Variants in EXOC6B observed in about 807,000 individuals in gnomAD.
EXOC6B encodes exocyst complex component 6B.
In EXOC6B, 54 loss-of-function variants were observed where a neutral mutation model predicts 113.5. The ratio of observed to expected loss-of-function variants is 0.48; its 90% CI spans 0.38 to 0.60. The LOEUF is 0.60. Among genes scored for constraint, EXOC6B ranks in the 20% least tolerant of loss-of-function variants. EXOC6B has a pLI of 0.00. For synonymous variants in EXOC6B, 357 were observed against 339.0 expected (o/e 1.05, Z -0.58); for missense variants, 797 against 977.5 (o/e 0.82, Z 2.46).
At chr2:72,583,134 A>T (rs1184947739) in intron 6 of EXOC6B, among the ~76,000 whole-genome samples, 1 of 152,156 alleles carries the variant, frequency 6.6e-6, no homozygotes, top group East Asian at 1.9e-4. Context: ...CTTTAACCTA[A>T]CCCAGCCAGA....
intron 1 of EXOC6B, among the ~76,000 whole-genome samples, chr2:72,773,572 T>C (rs1002103238): frequency 2.0e-5 from 3 of 152,080 alleles, no homozygotes; most frequent in African/African-American, 7.2e-5. Context: ...TATATACTTT[T>C]TAAAATTATA....
At chr2:72,786,750 T>A (rs7607226) in intron 1 of EXOC6B, among the ~76,000 whole-genome samples, 41,604 of 152,038 alleles carry the variant, frequency 0.27, 7,390 homozygotes, top group African/African-American at 0.5. Context: ...AATCACCATG[T>A]CTGTCTTATT....
At chr2:72,410,956 C>T (rs1694140862) in intron 18 of EXOC6B, among the ~76,000 whole-genome samples, 1 of 152,154 alleles carries the variant, frequency 6.6e-6, no homozygotes, top group South Asian at 2.1e-4. Context: ...TTCCTATAGC[C>T]CCAGTACTTT....
intron 1 of EXOC6B, among the ~76,000 whole-genome samples, chr2:72,764,500 T>C (rs1451370713): frequency 6.7e-6 from 1 of 149,714 alleles, no homozygotes; most frequent in Admixed American, 6.8e-5. Flanking sequence ...GCCTCCAGAG[T>C]AGCTGAGACT....
intron 20 of EXOC6B, among the ~76,000 whole-genome samples, chr2:72,293,233 G>A (rs1427402094): frequency 2.0e-5 from 3 of 152,034 alleles, no homozygotes; most frequent in Non-Finnish European, 4.4e-5. Flanking sequence ...GAGGCACACA[G>A]AGCTGGATAT....
intron 7 of EXOC6B, among the ~76,000 whole-genome samples, chr2:72,559,789 G>A (rs1359998301): frequency 2.0e-5 from 3 of 152,192 alleles, no homozygotes; most frequent in African/African-American, 7.2e-5. Context: ...CACCAATCCT[G>A]CATTTGCCTT....
At chr2:72,399,713 C>A (rs944738311) in intron 18 of EXOC6B, among the ~76,000 whole-genome samples, 1 of 151,974 alleles carries the variant, frequency 6.6e-6, no homozygotes, top group African/African-American at 2.4e-5. Flanking sequence ...TTATAAAATA[C>A]CCAGAAATAC....
chr2:72,436,329 C>T (rs1695869716), intron 18 of EXOC6B, among the ~76,000 whole-genome samples: 1 of 152,058 alleles, frequency 6.6e-6, no homozygotes, highest in African/African-American at 2.4e-5. Flanking sequence ...CTGCCCTTAA[C>T]ATTTTTTCCT....
chr2:72,674,276 G>C (rs1676119909), intron 6 of EXOC6B, among the ~76,000 whole-genome samples: 1 of 152,092 alleles, frequency 6.6e-6, no homozygotes, highest in South Asian at 2.1e-4. Flanking sequence ...CTCATTTCAA[G>C]GACACCATCC....
chr2:72,765,834 G>T (rs892139224), intron 1 of EXOC6B, among the ~76,000 whole-genome samples: 7 of 152,170 alleles, frequency 4.6e-5, no homozygotes, highest in Non-Finnish European at 1.0e-4. Flanking sequence ...TCAAGAGGCT[G>T]AAGTTCCCGG....
intron 6 of EXOC6B, among the ~76,000 whole-genome samples, chr2:72,702,166 G>T (rs1403865439): frequency 6.7e-6 from 1 of 149,728 alleles, no homozygotes. Flanking sequence ...GTGAGAATAT[G>T]CGGTGTTTGG....
At chr2:72,257,873 A>G (rs1056000216) in intron 20 of EXOC6B, among the ~76,000 whole-genome samples, 1 of 151,950 alleles carries the variant, frequency 6.6e-6, no homozygotes, top group Non-Finnish European at 1.5e-5. Flanking sequence ...AGTTCCTACA[A>G]CTCCAGTCTC....
chr2:72,681,015 T>TCA (rs1676663290), intron 6 of EXOC6B, among the ~76,000 whole-genome samples: 3 of 152,110 alleles, frequency 2.0e-5, no homozygotes, highest in African/African-American at 4.8e-5. Context: ...TCTTCAATCT[T>TCA]CACACACACA....
chr2:72,539,480 G>A (rs1210957356), intron 8 of EXOC6B, among the ~76,000 whole-genome samples: 2 of 152,138 alleles, frequency 1.3e-5, no homozygotes, highest in Non-Finnish European at 2.9e-5. Flanking sequence ...TTGCAGTCTG[G>A]AAAATGTGGC....
At chr2:72,776,457 C>T (rs1683706452) in intron 1 of EXOC6B, among the ~76,000 whole-genome samples, 1 of 151,492 alleles carries the variant, frequency 6.6e-6, no homozygotes, top group South Asian at 2.1e-4. Flanking sequence ...TCTCTACAAA[C>T]AATACAAAAA....
intron 18 of EXOC6B, among the ~76,000 whole-genome samples, chr2:72,382,461 A>G (rs1185729030): frequency 6.6e-6 from 1 of 152,216 alleles, no homozygotes; most frequent in African/African-American, 2.4e-5. Context: ...GAAGTCAGGT[A>G]ACGTGATGTC....
chr2:72,719,640 TACTC>T (rs1208979506), intron 5 of EXOC6B, among the ~76,000 whole-genome samples: 5 of 152,342 alleles, frequency 3.3e-5, no homozygotes, highest in Admixed American at 6.5e-5. Flanking sequence ...CTGGAAACCT[TACTC>T]ACTCAAGTTT....
At chr2:72,690,507 TAA>T (rs1267595337) in intron 6 of EXOC6B, among the ~76,000 whole-genome samples, 2 of 152,226 alleles carry the variant, frequency 1.3e-5, no homozygotes, top group Non-Finnish European at 2.9e-5. Flanking sequence ...ATATCTAATA[TAA>T]GTCTTTGTAA....
chr2:72,546,035 C>A (rs1702880011), intron 8 of EXOC6B, among the ~76,000 whole-genome samples: 1 of 152,198 alleles, frequency 6.6e-6, no homozygotes, highest in Non-Finnish European at 1.5e-5. Flanking sequence ...CTCCCAGCTT[C>A]CAGTATAGAC....
Sources: gnomAD v4.1 joint callset for allele counts (sites outside exome capture counted in the v4.1 genomes callset) on GRCh38, gnomAD v4.1.1 for gene constraint, MANE v1.5 for transcripts, NCBI Gene and HGNC (gene_info 2026-07-23, HGNC 2026-07-21) for gene names.